CACNA1E: variants seen among roughly 807,000 people sequenced by gnomAD.
The protein encoded by CACNA1E is calcium voltage-gated channel subunit alpha1 E, also known as voltage-dependent R-type calcium channel subunit alpha-1E.
A neutral mutation model predicts 259.2 loss-of-function variants in CACNA1E; 40 were observed. That is an observed-to-expected ratio of 0.15 (90% CI 0.12 to 0.20). The LOEUF is 0.20. Among genes scored for constraint, CACNA1E ranks in the 10% least tolerant of loss-of-function variants. CACNA1E has a pLI of 1.00. For missense variants in CACNA1E, 1,874 were observed against 3,040.1 expected (o/e 0.62, Z 9.02); for synonymous variants, 1,104 against 1,138.5 (o/e 0.97, Z 0.61).
At chr1:181,325,013 C>T (rs1174170505) in intron 1 of CACNA1E, among the ~76,000 whole-genome samples, 1 of 152,106 alleles carries the variant, frequency 6.6e-6, no homozygotes. Context: ...CCAGTGCTGC[C>T]ACAGCTCTCT....
intron 3 of CACNA1E, among the ~76,000 whole-genome samples, chr1:181,534,715 A>T (rs1441297098): frequency 1.3e-5 from 2 of 152,136 alleles, no homozygotes; most frequent in African/African-American, 4.8e-5. Flanking sequence ...AAGAAAAAGT[A>T]ACAAGAAAAT....
At chr1:181,650,966 T>A (rs1196569234) in intron 6 of CACNA1E, among the ~76,000 whole-genome samples, 1 of 152,230 alleles carries the variant, frequency 6.6e-6, no homozygotes, top group Non-Finnish European at 1.5e-5. Context: ...TGCCTTTGTC[T>A]TTTTGAGAAT....
intron 3 of CACNA1E, among the ~76,000 whole-genome samples, chr1:181,555,612 A>G (rs1229841774): frequency 6.6e-6 from 1 of 152,208 alleles, no homozygotes; most frequent in African/African-American, 2.4e-5. Flanking sequence ...TGGGAAAACC[A>G]AGGTATGAAG....
In CACNA1E at chr1:181,417,742, G is replaced by A. The variant is rs114309060; in HGVS notation, c.434+4162G>A. Reference sequence around the variant, plus strand: ...AAATCCCATCATTTCCTGCCAGCTCGCTCCTAGCTCATGACTACAATTGCC... The same window carrying A: ...AAATCCCATCATTTCCTGCCAGCTCACTCCTAGCTCATGACTACAATTGCC... On this transcript the variant is annotated intron_variant, in intron 2 of 11. Coordinates refer to the CACNA1E transcript ENST00000524607. 4.0e-3 allele frequency among the ~76,000 whole-genome samples: 609 copies of A among 152,114 alleles called. 4 individuals are homozygous for A. The highest frequency in any genetic ancestry group is 0.014 in the African/African-American group (592 of 41,478).
chr1:181,661,861 T>G (rs1406361491), intron 7 of CACNA1E, among the ~76,000 whole-genome samples: 1 of 152,180 alleles, frequency 6.6e-6, no homozygotes, highest in Non-Finnish European at 1.5e-5. Context: ...GAATTTGGAC[T>G]GAGATCTACT....
At chr1:181,608,771 T>C (rs1654470855) in intron 6 of CACNA1E, among the ~76,000 whole-genome samples, 2 of 152,218 alleles carry the variant, frequency 1.3e-5, no homozygotes. Flanking sequence ...TGACCCGTGC[T>C]TTTCTGTTCT....
chr1:181,408,576 G>A (rs1399170147), intron 1 of CACNA1E, among the ~76,000 whole-genome samples: 2 of 152,126 alleles, frequency 1.3e-5, no homozygotes, highest in East Asian at 3.9e-4. Flanking sequence ...TGCTTGTGTG[G>A]GGGTGGAGGA....
At chr1:181,382,681 T>G (rs1655540928) in intron 1 of CACNA1E, among the ~76,000 whole-genome samples, 1 of 152,340 alleles carries the variant, frequency 6.6e-6, no homozygotes, top group South Asian at 2.1e-4. Flanking sequence ...TACAAATACC[T>G]TAGCAAATAG....
chr1:181,398,207 T>C (rs572327165), intron 1 of CACNA1E, among the ~76,000 whole-genome samples: 2 of 152,196 alleles, frequency 1.3e-5, no homozygotes, highest in Non-Finnish European at 2.9e-5. Flanking sequence ...GGCAGTTTAA[T>C]TTCCCTTCCT....
At chr1:181,612,511 A>G (rs1485658809) in intron 6 of CACNA1E, among the ~76,000 whole-genome samples, 1 of 152,158 alleles carries the variant, frequency 6.6e-6, no homozygotes, top group African/African-American at 2.4e-5. Context: ...ACTGACATTG[A>G]GGGCTGGACT....
At chr1:181,425,280 C>G (rs985816653) in intron 2 of CACNA1E, among the ~76,000 whole-genome samples, 1 of 152,058 alleles carries the variant, frequency 6.6e-6, no homozygotes. Context: ...ATGAGCGCCC[C>G]GAGACTCCCA....
At chr1:181,725,313 C>T (rs1430192218) in intron 17 of CACNA1E, among the ~76,000 whole-genome samples, 13 of 152,200 alleles carry the variant, frequency 8.5e-5, no homozygotes, top group Non-Finnish European at 1.9e-4. Context: ...GTCTGAGTCC[C>T]ACACCTGCCA....
intron 28 of CACNA1E, 134 bp downstream of exon 28, chr1:181,755,531 G>C: frequency 1.4e-6 from 1 of 732,334 alleles, no homozygotes; most frequent in Non-Finnish European, 2.3e-6. Flanking sequence ...AAGACAAAAT[G>C]GAATCAATAA....
At chr1:181,382,903 G>A (rs891906984) in intron 1 of CACNA1E, among the ~76,000 whole-genome samples, 2 of 152,214 alleles carry the variant, frequency 1.3e-5, no homozygotes, top group African/African-American at 2.4e-5. Flanking sequence ...CAGAAGGGGC[G>A]GAGGCTTAGG....
intron 6 of CACNA1E, among the ~76,000 whole-genome samples, chr1:181,595,835 G>A (rs1163510640): frequency 1.3e-5 from 2 of 152,164 alleles, no homozygotes; most frequent in South Asian, 2.1e-4. Context: ...GCCACTTGGC[G>A]CTACTATAGG....
chr1:181,585,010 GT>G (rs138557244), intron 6 of CACNA1E, among the ~76,000 whole-genome samples: 2 of 147,422 alleles, frequency 1.4e-5, no homozygotes, highest in Non-Finnish European at 3.0e-5. Context: ...GAATAAACTG[GT>G]CCCCCCCCCT....
intron 2 of CACNA1E, among the ~76,000 whole-genome samples, chr1:181,414,460 T>G (rs1207989483): frequency 6.6e-6 from 1 of 152,244 alleles, no homozygotes; most frequent in Non-Finnish European, 1.5e-5. Flanking sequence ...GATCTCTGTT[T>G]CATAAGGATG....
At chr1:181,327,506 A>G (rs1650889870) in intron 1 of CACNA1E, among the ~76,000 whole-genome samples, 1 of 152,218 alleles carries the variant, frequency 6.6e-6, no homozygotes, top group South Asian at 2.1e-4. Flanking sequence ...ATTTATAGAA[A>G]ATCAAAGAAG....
In CACNA1E at chr1:181,540,839, T is replaced by G. The variant is rs534918614; in HGVS notation, c.512+29329T>G. Among the ~76,000 whole-genome samples, 14 of 152,348 alleles carry G rather than the reference T, an allele frequency of 9.2e-5. No homozygotes were observed. In the South Asian group the frequency reaches 2.9e-3, roughly 32 times the overall value. ...ATCATTTCTTGGAGTCCTCATTTCC[T>G]TATAAAGGCTCCTGTGTCTTATAAA... is the stretch of plus-strand genomic sequence containing the variant. On this transcript the variant is annotated intron_variant, in intron 3 of 47. Transcript: ENST00000367573.
Sources: allele counts gnomAD v4.1 joint callset (sites outside exome capture counted in the v4.1 genomes callset), GRCh38; gene constraint gnomAD v4.1.1; transcripts MANE v1.5; gene names NCBI Gene and HGNC (gene_info 2026-07-23, HGNC 2026-07-21).